Variants in PSIP1 observed in about 807,000 individuals in gnomAD.
PSIP1 encodes PC4 and SRSF1 interacting protein 1.
Under a neutral mutation model 74.7 loss-of-function variants are expected in PSIP1, and 19 were observed. The ratio of observed to expected loss-of-function variants is 0.25; its 90% CI spans 0.18 to 0.37. The LOEUF (loss-of-function observed/expected upper bound fraction) is 0.37, where lower values mean the gene tolerates loss of function less well. PSIP1 is among the 10% of genes least tolerant of loss of function. The pLI is 1.00. For synonymous variants in PSIP1, 222 were observed against 195.3 expected (o/e 1.14, Z -1.14); for missense variants, 601 against 614.3 (o/e 0.98, Z 0.23).
At chr9:15,470,277 G>A (rs964383007) in intron 10 of PSIP1, among the ~76,000 whole-genome samples, 1 of 152,064 alleles carries the variant, frequency 6.6e-6, no homozygotes, top group African/African-American at 2.4e-5. Context: ...GGCCACAATG[G>A]GAAGATGACA....
chr9:15,510,060 G>A, intron 2 of PSIP1, 57 bp downstream of exon 2: 1 of 1,480,980 alleles, frequency 6.8e-7, no homozygotes, highest in East Asian at 2.4e-5. Context: ...ACGGTGGGCA[G>A]CAGGCCTCTG....
chr9:15,471,873 AAAAC>A (rs1282169515), intron 10 of PSIP1: 10 of 982,588 alleles, frequency 1.0e-5, no homozygotes, highest in Non-Finnish European at 9.7e-6. Flanking sequence ...CAACAACAAA[AAAAC>A]AAAATTTAGT....
chr9:15,472,927 A>G (rs1196311049), intron 9 of PSIP1, among the ~76,000 whole-genome samples, 177 bp from the exon 10 acceptor site: 1 of 152,184 alleles, frequency 6.6e-6, no homozygotes, highest in Non-Finnish European at 1.5e-5. Context: ...AACTTTGATT[A>G]ATGACCGTGA....
intron 4 of PSIP1, among the ~76,000 whole-genome samples, chr9:15,488,835 C>A (rs916619318): frequency 7.9e-5 from 12 of 152,226 alleles, no homozygotes; most frequent in Admixed American, 2.6e-4. Context: ...TCCTGGCTAA[C>A]ACGGTGAAAC....
rs948671713 is a variant in PSIP1, at chr9:15,470,612, A to G, written c.978-619T>C. 3.1e-6 allele frequency: 3 copies of G among 955,100 alleles called. No individual in the cohort carries two copies. The African/African-American group carries it at 5.3e-5, about 17-fold the overall frequency. 59.2% of individuals were successfully genotyped at this position (955,100 alleles called of 1,614,324 possible). On this transcript the variant is annotated intron_variant, in intron 10 of 15. Transcript: ENST00000380733. Reference sequence around the variant, plus strand: ...TTATGAACCAATTCAAATAGACAAGAACAAAAAATATCTAAAAATCAGGTT... The same window carrying G: ...TTATGAACCAATTCAAATAGACAAGGACAAAAAATATCTAAAAATCAGGTT...
At chr9:15,507,087 G>C (rs1445470797) in intron 2 of PSIP1, among the ~76,000 whole-genome samples, 2 of 152,106 alleles carry the variant, frequency 1.3e-5, no homozygotes, top group African/African-American at 4.8e-5. Context: ...ACAAATAACA[G>C]ACTAATGTAA....
intron 3 of PSIP1, among the ~76,000 whole-genome samples, chr9:15,502,228 A>G (rs2037383032): frequency 1.3e-5 from 2 of 152,280 alleles, no homozygotes; most frequent in Middle Eastern, 6.8e-3. Flanking sequence ...ACCTAATACA[A>G]TGTAAATGCT....
chr9:15,509,430 T>C (rs1209778125), intron 2 of PSIP1, among the ~76,000 whole-genome samples: 3 of 152,256 alleles, frequency 2.0e-5, no homozygotes, highest in Admixed American at 2.0e-4. Flanking sequence ...ATCATTTCTC[T>C]GTACCACTAG....
At chr9:15,506,472 C>T (rs748819531) in intron 3 of PSIP1, 89 bp downstream of exon 3, 5 of 915,486 alleles carry the variant, frequency 5.5e-6, no homozygotes, top group Middle Eastern at 2.2e-4. Flanking sequence ...TTTCCTATTA[C>T]GTTACGATTT....
intron 3 of PSIP1, among the ~76,000 whole-genome samples, chr9:15,504,551 C>T (rs1197421439): frequency 2.6e-5 from 4 of 152,036 alleles, no homozygotes; most frequent in Non-Finnish European, 5.9e-5. Flanking sequence ...TCCTGGCTAA[C>T]ACGGTGAAAC....
chr9:15,486,840 T>G lies in PSIP1; in HGVS notation c.380A>C (p.Lys127Thr), dbSNP rs535397790. ...VSKEDTDHEE[K>T]ASNEDVTKAV... ...AATAGAACATACCTCATTGCTGGCT[T>G]TTTCTTCATGGTCGGTATCTTCCTT... Residue 127 changes from lysine (K) to threonine (T), a missense_variant, in exon 5 of 16, where the codon AAA becomes ACA. This residue lies in a region of PSIP1 where 538 missense variants were observed against 507.6 expected (regional missense o/e 1.06). Transcript: ENST00000380733. 3 of 1,604,300 alleles carry G rather than the reference T, an allele frequency of 1.9e-6. No homozygotes were observed. The Admixed American group carries it at 5.1e-5, about 27-fold the overall frequency.
intron 12 of PSIP1, 76 bp from the exon 13 acceptor site, chr9:15,469,134 CA>C (rs145855578): frequency 0.019 from 27,150 of 1,400,940 alleles, 730 homozygotes; most frequent in East Asian, 0.11. Flanking sequence ...AGATCGTTTC[CA>C]AAAAAAAAGA....
At chr9:15,503,800 G>A (rs2037455525) in intron 3 of PSIP1, among the ~76,000 whole-genome samples, 2 of 152,142 alleles carry the variant, frequency 1.3e-5, no homozygotes, top group African/African-American at 2.4e-5. Context: ...AGGCTGGAGT[G>A]CAATGGCACA....
intron 3 of PSIP1, among the ~76,000 whole-genome samples, chr9:15,501,544 T>C (rs1414256047): frequency 6.6e-6 from 1 of 152,118 alleles, no homozygotes; most frequent in Non-Finnish European, 1.5e-5. Flanking sequence ...TGAGGCTTAT[T>C]TTTACAATAG....
chr9:15,470,139 T>A (rs1328426394), intron 10 of PSIP1, 146 bp from the exon 11 acceptor site: 5 of 634,964 alleles, frequency 7.9e-6, no homozygotes, highest in Non-Finnish European at 1.4e-5. Context: ...CTTAGAATGG[T>A]GCAGTTCCGT....
chr9:15,466,743 C>T lies in PSIP1; in HGVS notation c.1532+5G>A. On this transcript the variant is annotated splice_donor_5th_base_variant and intron_variant, in intron 15 of 15. Transcript: ENST00000380733. ...ACACAAGACCCATTAAAACCTATTC[C>T]TCACTTTTTCTTCGTGCTGGCTTCA... 6.2e-7 allele frequency: 1 copy of T among 1,603,328 alleles called. No homozygotes were observed. Among genetic ancestry groups the T allele is most frequent in the Non-Finnish European group, 8.5e-7 (1 of 1,174,818 alleles).
At chr9:15,499,178 G>T (rs2037216813) in intron 3 of PSIP1, among the ~76,000 whole-genome samples, 1 of 152,130 alleles carries the variant, frequency 6.6e-6, no homozygotes. Flanking sequence ...GTTCCTTAAA[G>T]AGGTTTTGGA....
At chr9:15,467,908 G>A (rs1455046969) in intron 14 of PSIP1, among the ~76,000 whole-genome samples, 2 of 152,062 alleles carry the variant, frequency 1.3e-5, no homozygotes. Context: ...ATTACCATAG[G>A]TCGGGAGTTC....
chr9:15,474,266 T>C lies in PSIP1; in HGVS notation c.630-29A>G, dbSNP rs769132252. 3.9e-6 allele frequency: 6 copies of C among 1,537,078 alleles called. No homozygotes were observed. The African/African-American group carries it at 8.3e-5, about 21-fold the overall frequency. On this transcript the variant is annotated intron_variant, in intron 8 of 15. Transcript: ENST00000380733. ...TTTTAGAGAACATAACAATGTATAC[T>C]TGTCATTCAACTATAATAGTATTTT...
Sources: allele counts gnomAD v4.1 joint callset (sites outside exome capture counted in the v4.1 genomes callset), GRCh38; gene constraint gnomAD v4.1.1; regional missense constraint gnomAD v4.1.1; transcripts MANE v1.5; gene names NCBI Gene and HGNC (gene_info 2026-07-23, HGNC 2026-07-21).